The following NUP153 variants were observed in gnomAD, a reference collection of about 807,000 sequenced individuals.
The protein encoded by NUP153 is nucleoporin 153, also known as nuclear pore complex protein Nup153.
A neutral mutation model predicts 134.6 loss-of-function variants in NUP153; 27 were observed. The observed-to-expected ratio is 0.20, with a 90% CI of 0.15 to 0.28. The LOEUF (loss-of-function observed/expected upper bound fraction) is 0.28. Among genes scored for constraint, NUP153 ranks in the 10% least tolerant of loss-of-function variants. The pLI, the probability that NUP153 is intolerant of heterozygous loss-of-function variation, is 1.00. For missense variants in NUP153, 1,821 were observed against 1,731.3 expected (o/e 1.05, Z -0.92); for synonymous variants, 640 against 623.5 (o/e 1.03, Z -0.40).
intron 16 of NUP153, among the ~76,000 whole-genome samples, chr6:17,635,700 AT>A (rs1242346116): frequency 2.6e-5 from 4 of 152,136 alleles, no homozygotes; most frequent in African/African-American, 9.7e-5. Context: ...TGTCTGGCCT[AT>A]TGCCTATATG....
chr6:17,661,843 G>T, intron 10 of NUP153, 64 bp from the exon 11 acceptor site: 1 of 1,463,816 alleles, frequency 6.8e-7, no homozygotes, highest in Non-Finnish European at 9.3e-7. Context: ...TTGTTAACTA[G>T]AACTGCTAAC....
chr6:17,619,606 C>T (rs967611856), intron 20 of NUP153: 2 of 152,074 alleles, frequency 1.3e-5, no homozygotes, highest in African/African-American at 4.8e-5. Flanking sequence ...AAGGATGACA[C>T]CCAAATTTGT....
At chr6:17,643,600 T>A (rs887247528) in intron 14 of NUP153, among the ~76,000 whole-genome samples, 1 of 152,202 alleles carries the variant, frequency 6.6e-6, no homozygotes, top group Non-Finnish European at 1.5e-5. Flanking sequence ...CGGTAAAATG[T>A]TAGGATTCCC....
Position 17,626,044 on chromosome 6 carries a change from G to A in NUP153, c.3665C>T (p.Pro1222Leu). The part of the protein sequence containing the change: ...FGSSTSSSNP[P>L]VATFVFGQSS... The stretch of plus-strand genomic sequence containing the variant: ...CTGTCCAAACACAAAGGTAGCCACA[G>A]GTGGATTGGAGGAAGAGGTGGAACT... The change falls in exon 19 of 22, where the codon CCT (proline) becomes CTT (leucine). Residue 1222 changes from proline (P) to leucine (L), a missense_variant. Pro to Leu is a moderately conservative substitution (Grantham distance 98). Coordinates refer to ENST00000262077, the MANE Select transcript of NUP153 (RefSeq NM_005124.4). The A allele has an allele frequency of 6.2e-7, 1 of 1,614,188 alleles. No individual in the cohort carries two copies. The highest frequency in any genetic ancestry group is 8.5e-7 in the Non-Finnish European group (1 of 1,180,032).
intron 11 of NUP153, among the ~76,000 whole-genome samples, chr6:17,650,875 G>A (rs1766462351): frequency 6.6e-6 from 1 of 152,164 alleles, no homozygotes; most frequent in Non-Finnish European, 1.5e-5. Flanking sequence ...AAGACAGGTA[G>A]TAAATCTAAC....
In NUP153 at chr6:17,694,794, T is replaced by G. The variant is rs7768447; in HGVS notation, c.112-6176A>C. On this transcript the variant is annotated intron_variant, in intron 1 of 21. Coordinates refer to ENST00000262077, the MANE Select transcript of NUP153 (RefSeq NM_005124.4). ...AAGTTCAAGACCAGCCTGGCCAACA[T>G]AGTGAAACCCCGTCTCTACTAAAAA... Among the ~76,000 whole-genome samples the G allele has an allele frequency of 3.3e-5, 5 of 151,956 alleles. No individual in the cohort carries two copies. The East Asian group carries it at 7.7e-4, about 24-fold the overall frequency.
intron 17 of NUP153, among the ~76,000 whole-genome samples, chr6:17,632,054 A>G (rs1471232676): frequency 6.6e-6 from 1 of 152,204 alleles, no homozygotes; most frequent in African/African-American, 2.4e-5. Flanking sequence ...TAAAATATTA[A>G]GAGTTCTTTT....
At chr6:17,666,016 G>C (rs1178243457) in intron 8 of NUP153, among the ~76,000 whole-genome samples, 1 of 149,850 alleles carries the variant, frequency 6.7e-6, no homozygotes, top group African/African-American at 2.5e-5. Context: ...ATGGAGACTA[G>C]GTCTTGCTGT....
intron 20 of NUP153, among the ~76,000 whole-genome samples, chr6:17,623,835 G>C (rs1341536519): frequency 1.3e-5 from 2 of 152,048 alleles, no homozygotes; most frequent in African/African-American, 2.4e-5. Flanking sequence ...GCATCTATTA[G>C]CCAATAAATG....
chr6:17,697,776 T>G (rs563152964), intron 1 of NUP153, among the ~76,000 whole-genome samples: 1 of 151,140 alleles, frequency 6.6e-6, no homozygotes, highest in African/African-American at 2.5e-5. Flanking sequence ...GGGAAGGCTA[T>G]TCTATAACAC....
At chr6:17,646,793 G>A (rs963373333) in intron 13 of NUP153, among the ~76,000 whole-genome samples, 2 of 151,576 alleles carry the variant, frequency 1.3e-5, no homozygotes, top group Non-Finnish European at 2.9e-5. Context: ...GAGCTGGAGT[G>A]CAACGGCACA....
At chr6:17,662,279 C>T (rs1458149202) in intron 9 of NUP153, among the ~76,000 whole-genome samples, 1 of 152,108 alleles carries the variant, frequency 6.6e-6, no homozygotes, top group Non-Finnish European at 1.5e-5. Flanking sequence ...TCAGTGAGCA[C>T]AATCATTATT....
At position 17,688,109 on chromosome 6, in the gene NUP153, C is replaced by CAA. The variant is rs1769048785; in HGVS notation, c.334+286_334+287insTT. 3.9e-5 allele frequency among the ~76,000 whole-genome samples: 6 copies of CAA among 152,002 alleles called. No individual in the cohort carries two copies. The East Asian group carries it at 9.7e-4, about 24-fold the overall frequency. ...CTCCAGCCTGGGCCACAGAGCGAGA[C>CAA]TCCGTCTCAAAAAACAAAAAAAAGA... On this transcript the variant is annotated intron_variant, in intron 2 of 21. Transcript: ENST00000262077.
At chr6:17,619,126 A>G (rs145299685) in intron 20 of NUP153, among the ~76,000 whole-genome samples, 1 of 152,362 alleles carries the variant, frequency 6.6e-6, no homozygotes, top group Non-Finnish European at 1.5e-5. Context: ...TCCAGAAAGA[A>G]GAAACAGGCC....
Position 17,631,827 on chromosome 6 carries a change from C to T in NUP153, c.2659+823G>A, listed in dbSNP as rs200972673. On this transcript the variant is annotated intron_variant, in intron 17 of 21. Coordinates refer to ENST00000262077, the MANE Select transcript of NUP153 (RefSeq NM_005124.4). ...CTAAAAACACAAAAAATTAGCTAGG[C>T]GTGGTGGCAGGTTCCTGTAGTCCCA... Among the ~76,000 whole-genome samples, 3 of 152,064 alleles carry T rather than the reference C, an allele frequency of 2.0e-5. No individual in the cohort carries two copies. In the East Asian group the frequency reaches 5.8e-4, roughly 29 times the overall value.
At chr6:17,648,759 C>T (rs967832785) in intron 12 of NUP153, among the ~76,000 whole-genome samples, 8 of 151,748 alleles carry the variant, frequency 5.3e-5, no homozygotes, top group Admixed American at 3.3e-4. Context: ...GCTGTGATTG[C>T]ACCACTGCTC....
intron 5 of NUP153, among the ~76,000 whole-genome samples, chr6:17,672,860 G>A (rs1196348191): frequency 3.3e-5 from 5 of 151,978 alleles, no homozygotes; most frequent in Non-Finnish European, 2.9e-5. Context: ...AATGAACCTT[G>A]ACCAATACCT....
In NUP153 at chr6:17,688,342, A is replaced by G. The variant is rs531390081; in HGVS notation, c.334+54T>C. ...TTACCATAACTAGGTAGTGTCTTCA[A>G]AATTAGGGCATGAAAACCTATCATT... is the stretch of plus-strand genomic sequence containing the variant. On this transcript the variant is annotated intron_variant, in intron 2 of 21. Coordinates refer to ENST00000262077, the MANE Select transcript of NUP153 (RefSeq NM_005124.4). The G allele has an allele frequency of 8.8e-5, 124 of 1,410,724 alleles. 1 individual carries two copies. Among genetic ancestry groups the G allele is most frequent in the South Asian group, 6.7e-4 (57 of 85,362 alleles). The allele number at this position is 1,410,724 out of a possible 1,614,324, so 87.4% of individuals were successfully genotyped here.
intron 5 of NUP153, among the ~76,000 whole-genome samples, chr6:17,673,804 T>A (rs1768055683): frequency 6.6e-6 from 1 of 152,182 alleles, no homozygotes; most frequent in East Asian, 1.9e-4. Flanking sequence ...GGCAGTTTAT[T>A]ATAAAGTTTA....
Sources: gnomAD v4.1 joint callset for allele counts (sites outside exome capture counted in the v4.1 genomes callset) on GRCh38, gnomAD v4.1.1 for gene constraint, MANE v1.5 for transcripts, NCBI Gene and HGNC (gene_info 2026-07-23, HGNC 2026-07-21) for gene names.